PREX2: variants seen among roughly 807,000 people sequenced by gnomAD.
PREX2 encodes phosphatidylinositol 3,4,5-trisphosphate-dependent Rac exchanger 2 protein.
A neutral mutation model predicts 203.2 loss-of-function variants in PREX2; 107 were observed. The observed-to-expected ratio is 0.53, with a 90% CI of 0.45 to 0.62. The LOEUF is 0.62. Among genes scored for constraint, PREX2 ranks in the 20% least tolerant of loss-of-function variants. The pLI, the probability that PREX2 is intolerant of heterozygous loss-of-function variation, is 0.00. For missense variants in PREX2, 1,777 were observed against 1,955.9 expected (o/e 0.91, Z 1.72); for synonymous variants, 672 against 663.6 (o/e 1.01, Z -0.19).
chr8:68,144,095 T>G lies in PREX2; in HGVS notation c.4088-2114T>G, dbSNP rs376469347. On this transcript the variant is annotated intron_variant, in intron 33 of 39. Coordinates refer to ENST00000288368, the MANE Select transcript of PREX2 (RefSeq NM_024870.4). ...CCATGCTGTCTTCATTACTGTAGTTTTATAGTAAGTCTTAAATTAAAGGAG... is the reference window on the plus strand; with the variant it reads ...CCATGCTGTCTTCATTACTGTAGTTGTATAGTAAGTCTTAAATTAAAGGAG... 2.0e-5 allele frequency among the ~76,000 whole-genome samples: 3 copies of G among 152,318 alleles called. No homozygotes were observed. The South Asian group carries it at 6.2e-4, about 32-fold the overall frequency.
intron 1 of PREX2, among the ~76,000 whole-genome samples, chr8:67,979,897 ACT>A (rs1290780880): frequency 6.6e-6 from 1 of 152,044 alleles, no homozygotes; most frequent in African/African-American, 2.4e-5. Context: ...CATAGACCTA[ACT>A]CTTCCCTGGA....
chr8:68,124,546 T>G (rs963377820), intron 30 of PREX2, among the ~76,000 whole-genome samples: 6 of 152,040 alleles, frequency 3.9e-5, no homozygotes, highest in African/African-American at 1.2e-4. Flanking sequence ...GGTATTAGGC[T>G]TAATACCTGG....
chr8:68,147,464 C>G (rs566827324), intron 34 of PREX2, among the ~76,000 whole-genome samples: 4 of 152,144 alleles, frequency 2.6e-5, no homozygotes, highest in Non-Finnish European at 5.9e-5. Flanking sequence ...CTCACGAGAT[C>G]TGATGGCTTT....
intron 34 of PREX2, among the ~76,000 whole-genome samples, chr8:68,149,096 G>A (rs1811381728): frequency 6.6e-6 from 1 of 152,146 alleles, no homozygotes; most frequent in South Asian, 2.1e-4. Flanking sequence ...GGATGAATTT[G>A]AAATTTTCCT....
chr8:68,118,473 A>G (rs1810704014), intron 26 of PREX2, 77 bp from the exon 27 acceptor site: 3 of 859,254 alleles, frequency 3.5e-6, no homozygotes, highest in Non-Finnish European at 5.8e-6. Flanking sequence ...TAACTGATAT[A>G]AGTTTATGTC....
intron 1 of PREX2, among the ~76,000 whole-genome samples, chr8:67,978,954 G>C (rs935166435): frequency 2.0e-5 from 3 of 152,148 alleles, no homozygotes; most frequent in African/African-American, 7.2e-5. Context: ...AATTAATCAT[G>C]CACTTTACAC....
intron 1 of PREX2, among the ~76,000 whole-genome samples, chr8:67,953,105 A>G (rs1805399674): frequency 6.6e-6 from 1 of 151,684 alleles, no homozygotes; most frequent in African/African-American, 2.4e-5. Context: ...CGGGGTGATG[A>G]TCTCTAGCAG....
chr8:68,213,526 C>T (rs1212380361), intron 37 of PREX2, among the ~76,000 whole-genome samples: 1 of 152,104 alleles, frequency 6.6e-6, no homozygotes, highest in Non-Finnish European at 1.5e-5. Context: ...AAGAATCATG[C>T]AATAAAATAT....
At chr8:67,977,195 T>C (rs1211975068) in intron 1 of PREX2, among the ~76,000 whole-genome samples, 1 of 152,056 alleles carries the variant, frequency 6.6e-6, no homozygotes, top group Non-Finnish European at 1.5e-5. Context: ...TCCACAGAGC[T>C]CTCTCCCCGT....
chr8:68,174,062 G>C (rs967452131), intron 35 of PREX2, among the ~76,000 whole-genome samples: 1 of 152,118 alleles, frequency 6.6e-6, no homozygotes, highest in African/African-American at 2.4e-5. Context: ...TATATTCAAG[G>C]CATCTTAGTC....
intron 32 of PREX2, among the ~76,000 whole-genome samples, chr8:68,135,051 A>G (rs1035031591): frequency 2.0e-5 from 3 of 151,946 alleles, no homozygotes; most frequent in Non-Finnish European, 4.4e-5. Flanking sequence ...TAAAGTACAC[A>G]TAGAAAATGT....
At chr8:68,065,580 G>A (rs760539957) in intron 11 of PREX2, among the ~76,000 whole-genome samples, 2 of 152,124 alleles carry the variant, frequency 1.3e-5, no homozygotes, top group African/African-American at 4.8e-5. Flanking sequence ...GTATTAACAA[G>A]TCTTTTGACT....
intron 22 of PREX2, among the ~76,000 whole-genome samples, chr8:68,098,632 A>G (rs1219754778): frequency 6.6e-6 from 1 of 152,044 alleles, no homozygotes; most frequent in Non-Finnish European, 1.5e-5. Context: ...TATTCTATAT[A>G]TGACAGCATA....
At position 68,027,276 on chromosome 8, in the gene PREX2, T is replaced by C; in HGVS notation, c.496T>C (p.Leu166=). The C allele has an allele frequency of 6.2e-7, 1 of 1,612,186 alleles. No individual in the cohort carries two copies. Reference sequence around the variant, plus strand: ...CACAGATGTTCCCTTGGAAGGATATTTAGTAACACCAATACAAAGAATATG... The same window carrying C: ...CACAGATGTTCCCTTGGAAGGATATCTAGTAACACCAATACAAAGAATATG... ...KNTDVPLEGY[L]VTPIQRICKY... Residue 166 remains leucine, a synonymous_variant, in exon 5 of 40, where the codon TTA becomes CTA. Transcript: ENST00000288368.
At chr8:68,109,291 A>G in intron 24 of PREX2, 125 bp from the exon 25 acceptor site, 5 of 669,866 alleles carry the variant, frequency 7.5e-6, no homozygotes, top group Non-Finnish European at 1.3e-5. Flanking sequence ...TCAAAACATC[A>G]GGTTGTACAT....
chr8:68,085,811 T>C (rs192843888), intron 18 of PREX2, among the ~76,000 whole-genome samples: 3 of 152,284 alleles, frequency 2.0e-5, no homozygotes, highest in Admixed American at 6.5e-5. Context: ...CAACCTTCCA[T>C]AGCAGTGTTA....
intron 1 of PREX2, among the ~76,000 whole-genome samples, chr8:67,959,053 T>C (rs761121614): frequency 9.2e-5 from 14 of 152,232 alleles, no homozygotes; most frequent in Non-Finnish European, 1.9e-4. Flanking sequence ...GGAGAGCAAT[T>C]AGAGGAAGAA....
intron 1 of PREX2, among the ~76,000 whole-genome samples, chr8:67,985,788 G>T (rs1563485236): frequency 6.6e-6 from 1 of 152,146 alleles, no homozygotes; most frequent in Non-Finnish European, 1.5e-5. Flanking sequence ...CAGGCCATTG[G>T]GCTTGGCTGG....
At chr8:67,996,131 T>G (rs1806757077) in intron 1 of PREX2, among the ~76,000 whole-genome samples, 1 of 152,164 alleles carries the variant, frequency 6.6e-6, no homozygotes, top group Non-Finnish European at 1.5e-5. Context: ...TTTCTTTATC[T>G]CTGTTATGTC....
Sources: allele counts gnomAD v4.1 joint callset (sites outside exome capture counted in the v4.1 genomes callset), GRCh38; gene constraint gnomAD v4.1.1; transcripts MANE v1.5; gene names NCBI Gene and HGNC (gene_info 2026-07-23, HGNC 2026-07-21).